The following PDE3A variants were observed in gnomAD, a reference collection of about 807,000 sequenced individuals.
PDE3A encodes cGMP-inhibited 3',5'-cyclic phosphodiesterase 3A.
A neutral mutation model predicts 98.3 loss-of-function variants in PDE3A; 43 were observed. The ratio of observed to expected loss-of-function variants is 0.44; its 90% CI spans 0.34 to 0.56. PDE3A has a LOEUF of 0.56. Among genes scored for constraint, PDE3A ranks in the 20% least tolerant of loss-of-function variants. The pLI is 0.01. For missense variants in PDE3A, 1,427 were observed against 1,440.7 expected (o/e 0.99, Z 0.15); for synonymous variants, 663 against 567.9 (o/e 1.17, Z -2.38).
At chr12:20,619,053 T>C (rs1384488822) in intron 4 of PDE3A, among the ~76,000 whole-genome samples, 1 of 152,066 alleles carries the variant, frequency 6.6e-6, no homozygotes, top group Non-Finnish European at 1.5e-5. Flanking sequence ...TTATTTCATA[T>C]TCATGAAATT....
At chr12:20,475,105 A>G (rs1473068882) in intron 1 of PDE3A, among the ~76,000 whole-genome samples, 1 of 151,988 alleles carries the variant, frequency 6.6e-6, no homozygotes. Context: ...TGCCACTTAA[A>G]GATGGGGGAA....
At position 20,369,106 on chromosome 12, in the gene PDE3A, T is replaced by G; in HGVS notation, c.-179T>G. On this transcript the variant is annotated 5_prime_UTR_variant, in exon 1 of 16. Transcript: ENST00000359062. Reference sequence around the variant, plus strand: ...TGGAGCATCTAGCATTCTCCAGGAGTTATTCGAAAGCTGAAACTTTCAGTG... The same window carrying G: ...TGGAGCATCTAGCATTCTCCAGGAGGTATTCGAAAGCTGAAACTTTCAGTG... 3.7e-6 allele frequency: 2 copies of G among 544,880 alleles called. No individual in the cohort carries two copies. The highest frequency in any genetic ancestry group is 2.9e-5 in the East Asian group (1 of 34,128). 33.8% of individuals were successfully genotyped at this position (544,880 alleles called of 1,614,324 possible). A position where few individuals can be genotyped will look rare whatever the true frequency, so the allele number is the denominator to read the frequency against.
chr12:20,423,532 T>C (rs7316566), intron 1 of PDE3A, among the ~76,000 whole-genome samples: 137,172 of 152,224 alleles, frequency 0.9, 62,627 homozygotes, highest in East Asian at 1. Flanking sequence ...GCCTCATGCA[T>C]CTGGACAAAC....
At chr12:20,417,041 A>G (rs1398008427) in intron 1 of PDE3A, among the ~76,000 whole-genome samples, 2 of 152,156 alleles carry the variant, frequency 1.3e-5, no homozygotes, top group African/African-American at 4.8e-5. Context: ...CTTTAACCAA[A>G]ATGTACATAA....
At chr12:20,618,648 A>G (rs1372151632) in intron 4 of PDE3A, among the ~76,000 whole-genome samples, 2 of 152,052 alleles carry the variant, frequency 1.3e-5, no homozygotes, top group Non-Finnish European at 2.9e-5. Flanking sequence ...ACCCAATTAC[A>G]AGGAGTCATT....
chr12:20,407,208 A>G (rs1026500102), intron 1 of PDE3A, among the ~76,000 whole-genome samples: 3 of 152,174 alleles, frequency 2.0e-5, no homozygotes, highest in African/African-American at 7.2e-5. Context: ...TCTCTATTTA[A>G]TGGGTACAAT....
intron 1 of PDE3A, among the ~76,000 whole-genome samples, chr12:20,442,221 T>C (rs1273018488): frequency 6.6e-6 from 1 of 152,250 alleles, no homozygotes; most frequent in African/African-American, 2.4e-5. Flanking sequence ...ATGTATTTTT[T>C]ACCCCAAATT....
intron 2 of PDE3A, among the ~76,000 whole-genome samples, chr12:20,584,259 G>T (rs1943139249): frequency 6.6e-6 from 1 of 152,146 alleles, no homozygotes; most frequent in South Asian, 2.1e-4. Flanking sequence ...ATGAAACTTT[G>T]TCAACTCAAA....
intron 1 of PDE3A, among the ~76,000 whole-genome samples, chr12:20,540,376 G>A (rs377293844): frequency 1.8e-4 from 28 of 152,142 alleles, no homozygotes; most frequent in East Asian, 7.7e-4. Context: ...AAACTCAAGC[G>A]GAGAATTCCA....
intron 15 of PDE3A, among the ~76,000 whole-genome samples, chr12:20,657,305 A>G (rs1945065757): frequency 6.6e-6 from 1 of 152,166 alleles, no homozygotes; most frequent in South Asian, 2.1e-4. Context: ...CAGAAAGGGA[A>G]CCTAGGTCTC....
At chr12:20,616,409 A>G (rs1253274697) in intron 4 of PDE3A, 25 bp downstream of exon 4, 1 of 1,608,500 alleles carries the variant, frequency 6.2e-7, no homozygotes, top group Non-Finnish European at 8.5e-7. Context: ...CTGCTGGTTT[A>G]ATGTCTCTTA....
intron 1 of PDE3A, among the ~76,000 whole-genome samples, chr12:20,440,413 T>C (rs1944850782): frequency 6.6e-6 from 1 of 152,144 alleles, no homozygotes; most frequent in Admixed American, 6.5e-5. Context: ...ATCAGAGCAG[T>C]AAGCAAAATT....
chr12:20,581,117 A>T (rs541544543), intron 2 of PDE3A, among the ~76,000 whole-genome samples: 1 of 152,306 alleles, frequency 6.6e-6, no homozygotes, highest in African/African-American at 2.4e-5. Context: ...TTCTTTCTAA[A>T]TTTTCTTTTA....
chr12:20,545,457 A>C lies in PDE3A; in HGVS notation c.961-11203A>C, dbSNP rs113336739. On this transcript the variant is annotated intron_variant, in intron 1 of 15. Coordinates refer to ENST00000359062, the MANE Select transcript of PDE3A (RefSeq NM_000921.5). ...AATCAGAATCAGGGATTTAGTATCA[A>C]TCAAGTGGATGGAATTTAGCTAGTT... Among the ~76,000 whole-genome samples, 14 of 152,162 alleles carry C rather than the reference A, an allele frequency of 9.2e-5. 1 individual carries two copies. Among genetic ancestry groups the C allele is most frequent in the African/African-American group, 3.4e-4 (14 of 41,544 alleles).
chr12:20,419,019 C>A (rs150377419), intron 1 of PDE3A, among the ~76,000 whole-genome samples: 2,189 of 152,118 alleles, frequency 0.014, 19 homozygotes, highest in Middle Eastern at 0.041. Flanking sequence ...TTAGTAAATT[C>A]TTGGTTGCAC....
At position 20,552,025 on chromosome 12, in the gene PDE3A, T is replaced by C; in HGVS notation, c.961-4635T>C. 6.2e-7 allele frequency: 1 copy of C among 1,612,382 alleles called. No homozygotes were observed. The highest frequency in any genetic ancestry group is 8.5e-7 in the Non-Finnish European group (1 of 1,179,878). ...GTACTCCCTAGTCCTGGCGGGGGGC[T>C]ACGAGGATGACGTGGACCATGGGAA... On this transcript the variant is annotated intron_variant, in intron 1 of 15. Coordinates refer to ENST00000359062, the MANE Select transcript of PDE3A (RefSeq NM_000921.5). The surrounding 1 kb of genome is among the most constrained non-coding windows in gnomAD (Gnocchi z 5.1).
intron 2 of PDE3A, among the ~76,000 whole-genome samples, chr12:20,562,470 G>C (rs553098466): frequency 6.6e-6 from 1 of 151,354 alleles, no homozygotes; most frequent in South Asian, 2.1e-4. Context: ...CGCCTGCCTC[G>C]GCCTCCCAAA....
chr12:20,557,172 C>A (rs1385353708), intron 2 of PDE3A: 1 of 158,502 alleles, frequency 6.3e-6, no homozygotes, highest in Non-Finnish European at 1.4e-5. Flanking sequence ...GATGAAAGGA[C>A]CTATTATTTT....
At chr12:20,417,106 T>C (rs1218771832) in intron 1 of PDE3A, among the ~76,000 whole-genome samples, 12 of 152,202 alleles carry the variant, frequency 7.9e-5, no homozygotes, top group Non-Finnish European at 1.5e-5. Context: ...TGCTATAATG[T>C]GGACATTGTT....
Sources: gnomAD v4.1 joint callset for allele counts (sites outside exome capture counted in the v4.1 genomes callset) on GRCh38, gnomAD v4.1.1 for gene constraint, Gnocchi (gnomAD v3.1) non-coding constraint, MANE v1.5 for transcripts, NCBI Gene and HGNC (gene_info 2026-07-23, HGNC 2026-07-21) for gene names.